CEP152: variants seen among roughly 807,000 people sequenced by gnomAD.
The protein encoded by CEP152 is centrosomal protein 152.
CEP152 carries 132 observed loss-of-function variants against 188.9 expected under a neutral mutation model. The ratio of observed to expected loss-of-function variants is 0.70; its 90% CI spans 0.61 to 0.81. The LOEUF is 0.81. Among genes scored for constraint, CEP152 ranks in the 30% least tolerant of loss-of-function variants. CEP152 has a pLI of 0.00. For missense variants in CEP152, 1,914 were observed against 1,969.8 expected (o/e 0.97, Z 0.54); for synonymous variants, 649 against 666.6 (o/e 0.97, Z 0.41).
chr15:48,744,235 C>T lies in CEP152; in HGVS notation c.3835+5G>A. On this transcript the variant is annotated splice_donor_5th_base_variant and intron_variant, in intron 24 of 26. Transcript: ENST00000380950. ...CATCCTTAAAATCTTCAGAATTAAACTTACATTTAATTTTTTTTACAGCTT... is the reference window on the plus strand; with the variant it reads ...CATCCTTAAAATCTTCAGAATTAAATTTACATTTAATTTTTTTTACAGCTT... 9 of 1,613,824 alleles carry T rather than the reference C, an allele frequency of 5.6e-6. No individual in the cohort carries two copies. Among genetic ancestry groups the T allele is most frequent in the Non-Finnish European group, 6.8e-6 (8 of 1,179,876 alleles).
chr15:48,738,630 G>C lies in CEP152; in HGVS notation c.4752C>G (p.Asp1584Glu). 1.2e-6 allele frequency: 2 copies of C among 1,614,178 alleles called. No homozygotes were observed. ...CATGTACAAATGATGCTTCACGACT[G>C]TCAAAGGATAAGGTTGCACTGCTGG... ...WPSSSATLSF[D>E]SREASFVHGR... Residue 1584 changes from aspartate to glutamate, a missense_variant, in exon 27 of 27, where the codon GAC becomes GAG. Asp to Glu is a conservative substitution (Grantham distance 45). Transcript: ENST00000380950.
rs1454198244 is a variant in CEP152 at position 48,772,355 on chromosome 15, G to A, written c.1782+132C>T. On this transcript the variant is annotated intron_variant, in intron 13 of 26. Coordinates refer to ENST00000380950, the MANE Select transcript of CEP152 (RefSeq NM_001194998.2). Reference sequence around the variant, plus strand: ...TAGCCTGGGAGGTTGAGGCTACAGGGAGCCATGTTTCCACCACTGCCCTCC... The same window carrying A: ...TAGCCTGGGAGGTTGAGGCTACAGGAAGCCATGTTTCCACCACTGCCCTCC... 5 of 747,038 alleles carry A rather than the reference G, an allele frequency of 6.7e-6. No individual in the cohort carries two copies. In the Admixed American group the frequency reaches 9.0e-5, roughly 13 times the overall value. 46.3% of individuals were successfully genotyped at this position (747,038 alleles called of 1,614,324 possible). A position where few individuals can be genotyped will look rare whatever the true frequency, so the allele number is the denominator to read the frequency against.
At chr15:48,785,711 C>T (rs1896577416) in intron 9 of CEP152, among the ~76,000 whole-genome samples, 1 of 152,004 alleles carries the variant, frequency 6.6e-6, no homozygotes, top group African/African-American at 2.4e-5. Context: ...GAAAACAGAT[C>T]ATACTCATAA....
At chr15:48,765,609 G>C (rs777173994) in intron 17 of CEP152, 1 of 386,138 alleles carries the variant, frequency 2.6e-6, no homozygotes, top group Middle Eastern at 5.8e-4. Context: ...TGACCTCTTT[G>C]AGAAAATTCC....
chr15:48,760,086 G>A, intron 19 of CEP152, 49 bp downstream of exon 19: 3 of 1,612,204 alleles, frequency 1.9e-6, no homozygotes, highest in Middle Eastern at 1.7e-4. Flanking sequence ...ATAAGAGAAG[G>A]GGTCAGGTAA....
Position 48,784,125 on chromosome 15 carries a change from A to G in CEP152, c.1174-5T>C. 6.2e-7 allele frequency: 1 copy of G among 1,611,882 alleles called. No homozygotes were observed. The highest frequency in any genetic ancestry group is 8.5e-7 in the Non-Finnish European group (1 of 1,178,694). On this transcript the variant is annotated splice_region_variant and splice_polypyrimidine_tract_variant and intron_variant, in intron 9 of 26. Coordinates refer to ENST00000380950, the MANE Select transcript of CEP152 (RefSeq NM_001194998.2). ...CAGACGAGAGCAAATGTCTTCCTAA[A>G]TAGAAAAAAAGTTCAGGAAGTCATT...
At chr15:48,799,746 A>G (rs1897557411) in intron 2 of CEP152, among the ~76,000 whole-genome samples, 2 of 152,206 alleles carry the variant, frequency 1.3e-5, no homozygotes, top group South Asian at 4.1e-4. Flanking sequence ...ACATATTTGT[A>G]CAAGACATGC....
downstream of CEP152, among the ~76,000 whole-genome samples, chr15:48,734,956 T>C (rs1892547723): frequency 6.6e-6 from 1 of 152,152 alleles, no homozygotes; most frequent in Admixed American, 6.5e-5. Context: ...AATAACCAGT[T>C]GAACAAATAG....
Position 48,756,483 on chromosome 15 carries a change from A to C in CEP152, c.2765T>G (p.Leu922Arg), listed in dbSNP as rs1894283002. 1 of 1,612,910 alleles carries C rather than the reference A, an allele frequency of 6.2e-7. No individual in the cohort carries two copies. The highest frequency in any genetic ancestry group is 1.1e-5 in the South Asian group (1 of 91,064). ...CTTCTCTTCCAATTCCTTTCCAGGAAGTATATTTTTCCTCATATTTTCAAG... is the reference window on the plus strand; with the variant it reads ...CTTCTCTTCCAATTCCTTTCCAGGACGTATATTTTTCCTCATATTTTCAAG... ...SELENMRKNI[L>R]PGKELEEKIH... is the part of the protein sequence containing the mutation. The change falls in exon 20 of 27, where the codon CTT (leucine) becomes CGT (arginine). Residue 922 changes from leucine (L) to arginine (R), a missense_variant. Transcript: ENST00000380950.
chr15:48,745,012 GTATAT>G lies in CEP152; in HGVS notation c.3635-25_3635-21del, dbSNP rs1440649359. 3.2e-6 allele frequency: 5 copies of G among 1,562,328 alleles called. No individual in the cohort carries two copies. The South Asian group carries it at 5.9e-5, about 18-fold the overall frequency. ...TCTCTTCTATAACAGAAAGTTTATA[GTATAT>G]TAGACAGTTAAAAATTTTTTAAGCC... is the stretch of plus-strand genomic sequence containing the variant. On this transcript the variant is annotated intron_variant, in intron 22 of 26. Coordinates refer to ENST00000380950, the MANE Select transcript of CEP152 (RefSeq NM_001194998.2).
At chr15:48,767,934 A>C (rs558056638) in intron 15 of CEP152, among the ~76,000 whole-genome samples, 1 of 152,326 alleles carries the variant, frequency 6.6e-6, no homozygotes, top group South Asian at 2.1e-4. Context: ...TTTATAAAGA[A>C]TAGTTTCCCA....
chr15:48,756,452 A>C lies in CEP152; in HGVS notation c.2796T>G (p.His932Gln), dbSNP rs960922972. 10 of 1,613,700 alleles carry C rather than the reference A, an allele frequency of 6.2e-6. No individual in the cohort carries two copies. Among genetic ancestry groups the C allele is most frequent in the Non-Finnish European group, 8.5e-6 (10 of 1,179,948 alleles). ...TTAACTCAAGTTCCTTCTGAAGAGA[A>C]TGAATCTTCTCTTCCAATTCCTTTC... ...LPGKELEEKIHSLQKELELKN... is the reference protein window; with the variant it reads ...LPGKELEEKIQSLQKELELKN... Residue 932 changes from histidine to glutamine, a missense_variant, in exon 20 of 27, where the codon CAT becomes CAG. Coordinates refer to ENST00000380950, the MANE Select transcript of CEP152 (RefSeq NM_001194998.2).
In CEP152 at chr15:48,782,354, C is replaced by G. The variant is rs892863801; in HGVS notation, c.1322-124G>C. 1.4e-5 allele frequency: 11 copies of G among 793,908 alleles called. No homozygotes were observed. The African/African-American group carries it at 1.5e-4, about 11-fold the overall frequency. 49.2% of individuals were successfully genotyped at this position (793,908 alleles called of 1,614,324 possible). A position where few individuals can be genotyped will look rare whatever the true frequency, so the allele number is the denominator to read the frequency against. ...AAGTTCTGCTTTACTACTACTGTCTCTTTAGAATACATAGAGCCCATGGGA... is the reference window on the plus strand; with the variant it reads ...AAGTTCTGCTTTACTACTACTGTCTGTTTAGAATACATAGAGCCCATGGGA... On this transcript the variant is annotated intron_variant, in intron 10 of 26. Coordinates refer to ENST00000380950, the MANE Select transcript of CEP152 (RefSeq NM_001194998.2).
intron 12 of CEP152, among the ~76,000 whole-genome samples, chr15:48,779,404 A>T (rs1241356829): frequency 1.1e-4 from 16 of 152,264 alleles, no homozygotes. Flanking sequence ...AATCAAGAAC[A>T]TTTACAAAGT....
intron 6 of CEP152, among the ~76,000 whole-genome samples, 159 bp downstream of exon 6, chr15:48,795,851 G>GTA (rs1897254499): frequency 6.6e-6 from 1 of 152,142 alleles, no homozygotes; most frequent in East Asian, 1.9e-4. Flanking sequence ...AAATACTCTA[G>GTA]TATATATCTC....
intron 10 of CEP152, 58 bp downstream of exon 10, chr15:48,783,915 T>C: frequency 6.3e-7 from 1 of 1,591,142 alleles, no homozygotes; most frequent in Non-Finnish European, 8.6e-7. Flanking sequence ...TCCTACTACA[T>C]TCTTTCTGCA....
At chr15:48,788,492 C>A (rs1683485593) in intron 9 of CEP152, among the ~76,000 whole-genome samples, 1 of 151,602 alleles carries the variant, frequency 6.6e-6, no homozygotes, top group South Asian at 2.1e-4. Flanking sequence ...CACCACTGCG[C>A]CCGGCTAATT....
rs753675499 is a variant in CEP152, at chr15:48,797,469, A to G, written c.372T>C (p.Gly124=). ...DRHPVYHPEE[G]GDEGGSGYSP... The stretch of plus-strand genomic sequence containing the variant: ...TATAACCACTTCCACCTTCATCTCC[A>G]CCTTCTTCAGGATGGTACACAGGAT... The change falls in exon 5 of 27, where the codon GGT becomes GGC. Residue 124 remains glycine (G), a synonymous_variant. Transcript: ENST00000380950. The G allele has an allele frequency of 4.3e-6, 7 of 1,614,002 alleles. No homozygotes were observed. Among genetic ancestry groups the G allele is most frequent in the Non-Finnish European group, 5.9e-6 (7 of 1,180,008 alleles).
In CEP152 at chr15:48,788,897, A is replaced by T. The variant is rs1424331434; in HGVS notation, c.1077T>A (p.His359Gln). ...SESLQRAREQ[H>Q]ESIVMGLTKK... ...TTGTGAGGCCCATAACAATGCTCTC[A>T]TGCTGTTCTCTAGCTCGTTGAAGTG... The change falls in exon 9 of 27, where the codon CAT becomes CAA. Residue 359 changes from histidine to glutamine, a missense_variant. Coordinates refer to ENST00000380950, the MANE Select transcript of CEP152 (RefSeq NM_001194998.2). The T allele has an allele frequency of 6.2e-7, 1 of 1,613,950 alleles. No individual in the cohort carries two copies. The highest frequency in any genetic ancestry group is 1.1e-5 in the South Asian group (1 of 91,084).
Sources: gnomAD v4.1 joint callset for allele counts (sites outside exome capture counted in the v4.1 genomes callset) on GRCh38, gnomAD v4.1.1 for gene constraint, MANE v1.5 for transcripts, NCBI Gene and HGNC (gene_info 2026-07-23, HGNC 2026-07-21) for gene names.